Variants in C17orf75 observed in about 807,000 individuals in gnomAD.
C17orf75 encodes chromosome 17 open reading frame 75.
C17orf75 carries 32 observed loss-of-function variants against 49.6 expected under a neutral mutation model. That is an observed-to-expected ratio of 0.65 (90% CI 0.49 to 0.87). The LOEUF is 0.87. Among genes scored for constraint, C17orf75 ranks in the 40% least tolerant of loss-of-function variants. The pLI, the probability that C17orf75 is intolerant of heterozygous loss-of-function variation, is 0.00. For synonymous variants in C17orf75, 158 were observed against 159.5 expected (o/e 0.99, Z 0.07); for missense variants, 428 against 473.9 (o/e 0.90, Z 0.90).
rs2041269263 is a variant in C17orf75, at chr17:32,331,143, C to T, written c.*620G>A. 1 of 152,504 alleles carries T rather than the reference C, an allele frequency of 6.6e-6. No homozygotes were observed. The highest frequency in any genetic ancestry group is 6.5e-5 in the Admixed American group (1 of 15,300). 9.4% of individuals were successfully genotyped at this position (152,504 alleles called of 1,614,324 possible). The stretch of plus-strand genomic sequence containing the variant: ...GATTACAGGCTTGAGCCACTGCGCC[C>T]AGCTCAAAGATAATATTTTATCTTG... On this transcript the variant is annotated 3_prime_UTR_variant, in exon 10 of 10. Transcript: ENST00000577809.
At chr17:32,332,424 G>A (rs987853733) in intron 9 of C17orf75, among the ~76,000 whole-genome samples, 5 of 152,170 alleles carry the variant, frequency 3.3e-5, no homozygotes, top group South Asian at 2.1e-4. Flanking sequence ...TTACAGGCGT[G>A]AGCCACCACG....
In C17orf75 at chr17:32,330,591, TCA is replaced by T. The variant is rs1471321664; in HGVS notation, c.*1170_*1171del. On this transcript the variant is annotated 3_prime_UTR_variant, in exon 10 of 10. Coordinates refer to ENST00000577809, the MANE Select transcript of C17orf75 (RefSeq NM_022344.4). ...CTAGCTGAGGGCACTTTCAATTGAT[TCA>T]GAGTAAAACAATCTGAGGCTTGTAA... is the stretch of plus-strand genomic sequence containing the variant. 1 of 152,242 alleles carries T rather than the reference TCA, an allele frequency of 6.6e-6. No individual in the cohort carries two copies. Among genetic ancestry groups the T allele is most frequent in the African/African-American group, 2.4e-5 (1 of 41,466 alleles). 9.4% of individuals were successfully genotyped at this position (152,242 alleles called of 1,614,324 possible).
chr17:32,343,580 G>C, upstream of C17orf75: 1 of 412,320 alleles, frequency 2.4e-6, no homozygotes, highest in Non-Finnish European at 4.3e-6. Flanking sequence ...AAAGTGGATA[G>C]CACAGTTTCT....
At chr17:32,347,826 A>C (rs945570400) in intron 1 of C17orf75, among the ~76,000 whole-genome samples, 1 of 152,114 alleles carries the variant, frequency 6.6e-6, no homozygotes, top group Non-Finnish European at 1.5e-5. Flanking sequence ...CGTTTCAAGC[A>C]GTTGGGGGGA....
Position 32,335,368 on chromosome 17 carries a change from C to G in C17orf75, c.624G>C (p.Arg208Ser), listed in dbSNP as rs756883376. The change falls in exon 6 of 10, where the codon AGG becomes AGC. Residue 208 changes from arginine (R) to serine (S), a missense_variant. By Grantham distance (110) the Arg-to-Ser change is moderately radical. Transcript: ENST00000577809. ...WFEDVVCPIQRVVLLFQEKLT... is the reference protein window; with the variant it reads ...WFEDVVCPIQSVVLLFQEKLT... ...GCTTTTCCTGAAAGAGAAGAACAAC[C>G]CTTTGGATTGGGCATACAACATCCT... 1.5e-5 allele frequency: 25 copies of G among 1,613,734 alleles called. No homozygotes were observed. The highest frequency in any genetic ancestry group is 1.9e-5 in the Non-Finnish European group (22 of 1,179,836).
rs1449652756 is a variant in C17orf75 at position 32,330,382 on chromosome 17, T to TAAGA, written c.*1377_*1380dup. 6.6e-6 allele frequency: 1 copy of TAAGA among 152,236 alleles called. No homozygotes were observed. Among genetic ancestry groups the TAAGA allele is most frequent in the African/African-American group, 2.4e-5 (1 of 41,460 alleles). The allele number at this position is 152,236 out of a possible 1,614,324, so 9.4% of individuals were successfully genotyped here. A position where few individuals can be genotyped will look rare whatever the true frequency, so the allele number is the denominator to read the frequency against. Reference sequence around the variant, plus strand: ...CACTTAATGTGAATTTAGATCCATTTAAGAGAGGATTCCTCAGTTTTATGG... The same window carrying TAAGA: ...CACTTAATGTGAATTTAGATCCATTTAAGAAAGAGAGGATTCCTCAGTTTTATGG... On this transcript the variant is annotated 3_prime_UTR_variant, in exon 10 of 10. Coordinates refer to ENST00000577809, the MANE Select transcript of C17orf75 (RefSeq NM_022344.4).
chr17:32,332,888 C>A (rs564674758), intron 9 of C17orf75, among the ~76,000 whole-genome samples: 11 of 152,158 alleles, frequency 7.2e-5, no homozygotes, highest in Non-Finnish European at 1.0e-4. Context: ...GGGCTCACTG[C>A]AACCTCTGCC....
chr17:32,340,990 C>A, intron 2 of C17orf75: 1 of 575,628 alleles, frequency 1.7e-6, no homozygotes, highest in Non-Finnish European at 3.1e-6. Flanking sequence ...TTTGGCTAAT[C>A]ACCAAGCACA....
At chr17:32,349,776 T>C (rs1398432869) in intron 1 of C17orf75, among the ~76,000 whole-genome samples, 15 of 152,284 alleles carry the variant, frequency 9.9e-5, no homozygotes, top group African/African-American at 3.6e-4. Flanking sequence ...GACTAACTTA[T>C]TTGGTTTAGC....
intron 2 of C17orf75, 122 bp downstream of exon 2, chr17:32,341,082 G>T: frequency 9.8e-7 from 1 of 1,023,180 alleles, no homozygotes; most frequent in Non-Finnish European, 1.5e-6. Flanking sequence ...TAGGGGATAG[G>T]AGGAATTGAC....
At chr17:32,347,072 T>C (rs1332705665), upstream of C17orf75, among the ~76,000 whole-genome samples, 1 of 152,090 alleles carries the variant, frequency 6.6e-6, no homozygotes, top group Admixed American at 6.6e-5. Flanking sequence ...TGGGTTCTAC[T>C]GTCTCAGCCT....
intron 5 of C17orf75, among the ~76,000 whole-genome samples, chr17:32,337,368 C>T (rs868329179): frequency 6.6e-6 from 1 of 151,404 alleles, no homozygotes; most frequent in Admixed American, 6.6e-5. Flanking sequence ...GAGGCTGAGG[C>T]GAGAAGACTG....
At chr17:32,337,837 G>A (rs1158417439) in intron 5 of C17orf75, 60 bp downstream of exon 5, 54 of 1,467,920 alleles carry the variant, frequency 3.7e-5, no homozygotes, top group East Asian at 7.0e-5. Context: ...GATTACAGGC[G>A]TGAGCCACTG....
chr17:32,337,290 C>T (rs1365509361), intron 5 of C17orf75, among the ~76,000 whole-genome samples: 1 of 151,924 alleles, frequency 6.6e-6, no homozygotes, highest in Non-Finnish European at 1.5e-5. Flanking sequence ...GTGAGATCCC[C>T]ATCTCGACAA....
intron 1 of C17orf75, chr17:32,341,677 G>A: frequency 1.1e-5 from 5 of 451,094 alleles, no homozygotes; most frequent in Non-Finnish European, 1.6e-5. Context: ...AAAGGAGAGG[G>A]GACGGGAACT....
intron 2 of C17orf75, 124 bp downstream of exon 2, chr17:32,341,080 A>G (rs1453991552): frequency 6.1e-6 from 6 of 988,486 alleles, no homozygotes; most frequent in South Asian, 4.3e-5. Flanking sequence ...CCTAGGGGAT[A>G]GGAGGAATTG....
rs376068021 is a variant in C17orf75, at chr17:32,337,419, C to T, written c.549+478G>A. 1.3e-4 allele frequency among the ~76,000 whole-genome samples: 19 copies of T among 151,000 alleles called. No individual in the cohort carries two copies. In the East Asian group the frequency reaches 2.6e-3, roughly 20 times the overall value. ...GCTGAGGCTGCAGTGAGCCTGATCG[C>T]GCCACTGCCCTGCAGCCTGGGCAAC... On this transcript the variant is annotated intron_variant, in intron 5 of 9. Coordinates refer to ENST00000577809, the MANE Select transcript of C17orf75 (RefSeq NM_022344.4).
chr17:32,345,509 T>C (rs2041418848), upstream of C17orf75, among the ~76,000 whole-genome samples: 1 of 150,988 alleles, frequency 6.6e-6, no homozygotes, highest in Non-Finnish European at 1.5e-5. Flanking sequence ...TTTAGATTGA[T>C]ATGATTGGAC....
At chr17:32,341,758 T>A in intron 1 of C17orf75, 1 of 998,648 alleles carries the variant, frequency 1.0e-6, no homozygotes. Flanking sequence ...TGGGATGATA[T>A]AGGGGCAGAT....
Sources: gnomAD v4.1 joint callset for allele counts (sites outside exome capture counted in the v4.1 genomes callset) on GRCh38, gnomAD v4.1.1 for gene constraint, MANE v1.5 for transcripts, NCBI Gene and HGNC (gene_info 2026-07-23, HGNC 2026-07-21) for gene names.